The following CHST11 variants were observed in gnomAD, a reference collection of about 807,000 sequenced individuals.
The protein encoded by CHST11 is C4S-1.
CHST11 carries 9 observed loss-of-function variants against 30.4 expected under a neutral mutation model. The ratio of observed to expected loss-of-function variants is 0.30; its 90% CI spans 0.18 to 0.52. The LOEUF is 0.52. CHST11 is among the 20% of genes least tolerant of loss of function. The probability of loss-of-function intolerance (pLI) is 0.97; values close to 1 mark genes in which losing one functional copy is unlikely to be tolerated. For missense variants in CHST11, 348 were observed against 460.6 expected (o/e 0.76, Z 2.24); for synonymous variants, 152 against 187.8 (o/e 0.81, Z 1.56).
At chr12:104,628,339 C>T (rs1360888626) in intron 2 of CHST11, among the ~76,000 whole-genome samples, 1 of 152,116 alleles carries the variant, frequency 6.6e-6, no homozygotes, top group East Asian at 1.9e-4. Flanking sequence ...CTGCACGTGC[C>T]CAGACCATCT....
chr12:104,478,558 T>G lies in CHST11; in HGVS notation c.118+21029T>G, dbSNP rs566107924. 6.6e-5 allele frequency among the ~76,000 whole-genome samples: 10 copies of G among 152,304 alleles called. No individual in the cohort carries two copies. In the East Asian group the frequency reaches 1.9e-3, roughly 29 times the overall value. On this transcript the variant is annotated intron_variant, in intron 1 of 2. Transcript: ENST00000303694. ...GAAGTGAGAATAAGTCTAAAATAGCTGTCTATTAGGTTTCCTGTTAAGTAG... is the reference window on the plus strand; with the variant it reads ...GAAGTGAGAATAAGTCTAAAATAGCGGTCTATTAGGTTTCCTGTTAAGTAG...
intron 1 of CHST11, among the ~76,000 whole-genome samples, chr12:104,528,801 G>A (rs1056937530): frequency 2.6e-5 from 4 of 152,162 alleles, no homozygotes; most frequent in South Asian, 2.1e-4. Context: ...GGCCATTTTC[G>A]ATCCAATGTA....
At chr12:104,607,888 C>T (rs776174944) in intron 2 of CHST11, among the ~76,000 whole-genome samples, 2 of 152,118 alleles carry the variant, frequency 1.3e-5, no homozygotes, top group Non-Finnish European at 2.9e-5. Context: ...CTCCTTTGGC[C>T]GCTTGCTAAC....
intron 2 of CHST11, among the ~76,000 whole-genome samples, chr12:104,672,460 GA>G (rs1255805948): frequency 1.3e-5 from 2 of 152,204 alleles, no homozygotes; most frequent in Admixed American, 1.3e-4. Flanking sequence ...TGCAGAGAAT[GA>G]AAAACTTTGA....
At chr12:104,542,873 G>A (rs890998106) in intron 1 of CHST11, among the ~76,000 whole-genome samples, 1 of 152,184 alleles carries the variant, frequency 6.6e-6, no homozygotes, top group African/African-American at 2.4e-5. Flanking sequence ...CCCAAGGGTT[G>A]TTACCCTAAA....
At chr12:104,668,714 C>T (rs746413027) in intron 2 of CHST11, among the ~76,000 whole-genome samples, 32 of 152,180 alleles carry the variant, frequency 2.1e-4, no homozygotes, top group Admixed American at 1.8e-3. Context: ...CAGCAACCCC[C>T]ATAGATGTAT....
chr12:104,604,638 A>G (rs1045035124), intron 2 of CHST11, among the ~76,000 whole-genome samples: 2 of 152,084 alleles, frequency 1.3e-5, no homozygotes, highest in African/African-American at 4.8e-5. Context: ...AGTTTCTTGT[A>G]TTTCCCTACC....
chr12:104,750,890 T>TA (rs1446659249), intron 2 of CHST11, among the ~76,000 whole-genome samples: 2 of 152,214 alleles, frequency 1.3e-5, no homozygotes, highest in African/African-American at 4.8e-5. Context: ...AATGTATTTT[T>TA]AAAAACATTA....
chr12:104,578,138 C>T (rs186862520), intron 1 of CHST11, among the ~76,000 whole-genome samples: 35 of 152,168 alleles, frequency 2.3e-4, no homozygotes, highest in Non-Finnish European at 4.4e-4. Context: ...GACTAAATCC[C>T]CCCTTATTTA....
chr12:104,736,874 G>A (rs2040305378), intron 2 of CHST11, among the ~76,000 whole-genome samples: 1 of 152,194 alleles, frequency 6.6e-6, no homozygotes, highest in South Asian at 2.1e-4. Context: ...TGAAAGCATA[G>A]GAGAAATGCA....
chr12:104,742,311 T>G (rs948091088), intron 2 of CHST11, among the ~76,000 whole-genome samples: 24 of 152,112 alleles, frequency 1.6e-4, no homozygotes, highest in African/African-American at 5.3e-4. Flanking sequence ...GGCAAGCCCC[T>G]GCCTCCCAAG....
chr12:104,678,461 A>G (rs1296779622), intron 2 of CHST11, among the ~76,000 whole-genome samples: 2 of 152,246 alleles, frequency 1.3e-5, no homozygotes, highest in East Asian at 1.9e-4. Flanking sequence ...ATTATGGGCC[A>G]CATCCTGTTC....
intron 1 of CHST11, among the ~76,000 whole-genome samples, chr12:104,485,071 C>T (rs1241390720): frequency 1.3e-5 from 2 of 152,042 alleles, no homozygotes; most frequent in Admixed American, 1.3e-4. Flanking sequence ...TAAAACTTAC[C>T]CCAGAAATTT....
At chr12:104,657,027 G>C (rs1468671686) in intron 2 of CHST11, among the ~76,000 whole-genome samples, 1 of 147,992 alleles carries the variant, frequency 6.8e-6, no homozygotes, top group South Asian at 2.1e-4. Flanking sequence ...TTTTTAAATT[G>C]ATGAAGAAAG....
chr12:104,625,390 T>G (rs1566013215), intron 2 of CHST11, among the ~76,000 whole-genome samples: 1 of 152,176 alleles, frequency 6.6e-6, no homozygotes, highest in East Asian at 1.9e-4. Flanking sequence ...CTGCAACCTC[T>G]GCCTCCCGGG....
chr12:104,659,975 C>T (rs1418023613), intron 2 of CHST11, among the ~76,000 whole-genome samples: 1 of 152,168 alleles, frequency 6.6e-6, no homozygotes, highest in East Asian at 1.9e-4. Flanking sequence ...GAGTGAGACC[C>T]TGTCTCTAAA....
chr12:104,703,986 AG>A (rs35942583), intron 2 of CHST11, among the ~76,000 whole-genome samples: 1 of 152,160 alleles, frequency 6.6e-6, no homozygotes, highest in African/African-American at 2.4e-5. Context: ...ACGGCTCCTT[AG>A]GGCCTGGTTC....
intron 2 of CHST11, among the ~76,000 whole-genome samples, chr12:104,664,449 T>G (rs574246141): frequency 6.6e-6 from 1 of 152,322 alleles, no homozygotes; most frequent in Middle Eastern, 3.4e-3. Flanking sequence ...CGGCTTTATG[T>G]AAAAATGTAA....
chr12:104,645,981 A>G (rs1435369745), intron 2 of CHST11, among the ~76,000 whole-genome samples: 1 of 152,142 alleles, frequency 6.6e-6, no homozygotes. Flanking sequence ...TGGTGATGGC[A>G]CCATACTCTC....
Sources: gnomAD v4.1 joint callset for allele counts (sites outside exome capture counted in the v4.1 genomes callset) on GRCh38, gnomAD v4.1.1 for gene constraint, MANE v1.5 for transcripts, NCBI Gene and HGNC (gene_info 2026-07-23, HGNC 2026-07-21) for gene names.